The following ABCA12 variants were observed in gnomAD, a reference collection of about 807,000 sequenced individuals.
ABCA12 encodes the protein ATP binding cassette subfamily A member 12, also known as glucosylceramide transporter ABCA12.
ABCA12 carries 156 observed loss-of-function variants against 293.5 expected under a neutral mutation model. The ratio of observed to expected loss-of-function variants is 0.53; its 90% CI spans 0.47 to 0.61. The LOEUF (loss-of-function observed/expected upper bound fraction) is 0.61. ABCA12 is among the 20% of genes least tolerant of loss of function. The probability of loss-of-function intolerance (pLI) is 0.00; values close to 1 mark genes in which losing one functional copy is unlikely to be tolerated. For synonymous variants in ABCA12, 1,063 were observed against 1,108.0 expected, an observed-to-expected ratio of 0.96 and a Z score of 0.81; for missense variants, 2,797 against 3,090.2, an observed-to-expected ratio of 0.91 and a Z score of 2.25.
At chr2:215,008,742 T>C (rs1700307157) in intron 18 of ABCA12, among the ~76,000 whole-genome samples, 1 of 151,154 alleles carries the variant, frequency 6.6e-6, no homozygotes, top group Non-Finnish European at 1.5e-5. Context: ...AAAGGAAGAA[T>C]AGGATCAAGA....
chr2:215,109,765 T>C (rs1320453422), intron 2 of ABCA12, among the ~76,000 whole-genome samples: 2 of 152,174 alleles, frequency 1.3e-5, no homozygotes, highest in Non-Finnish European at 2.9e-5. Context: ...TAATATCAAT[T>C]AATTTAAGAC....
chr2:214,990,959 G>A lies in ABCA12; in HGVS notation c.3367C>T (p.Leu1123=). The part of the protein sequence containing the change: ...AWLIESVGFL[L]VTIVILIIIL... Reference sequence around the variant, plus strand: ...ATGATGAGGATCACGATGGTAACCAGTAAAAATCCAACACTCTCTATAAGC... The same window carrying A: ...ATGATGAGGATCACGATGGTAACCAATAAAAATCCAACACTCTCTATAAGC... The change falls in exon 24 of 53, where the codon CTG becomes TTG. Residue 1123 remains leucine (L), a synonymous_variant. Coordinates refer to ENST00000272895, the MANE Select transcript of ABCA12 (RefSeq NM_173076.3). 2 of 1,614,084 alleles carry A rather than the reference G, an allele frequency of 1.2e-6. No individual in the cohort carries two copies. Among genetic ancestry groups the A allele is most frequent in the South Asian group, 2.2e-5 (2 of 91,082 alleles).
intron 2 of ABCA12, among the ~76,000 whole-genome samples, chr2:215,073,257 A>T (rs1028958856): frequency 2.0e-5 from 3 of 152,148 alleles, no homozygotes; most frequent in Non-Finnish European, 2.9e-5. Context: ...TTGCATTTTT[A>T]AAAAATCTCC....
chr2:214,948,659 A>C lies in ABCA12; in HGVS notation c.7041T>G (p.Thr2347=). 1 of 1,614,108 alleles carries C rather than the reference A, an allele frequency of 6.2e-7. No homozygotes were observed. Among genetic ancestry groups the C allele is most frequent in the South Asian group, 1.1e-5 (1 of 91,086 alleles). ...CATAGAAATACAAATGTTCTTCCAC[A>C]GTTACCAGGTCATCTAAGGCATCTT... ...PQEDALDDLV[T]VEEHLYFYAR... is the part of the protein sequence containing the mutation. The change falls in exon 47 of 53, where the codon ACT becomes ACG. Residue 2347 remains threonine (T), a synonymous_variant. Coordinates refer to ENST00000272895, the MANE Select transcript of ABCA12 (RefSeq NM_173076.3).
intron 30 of ABCA12, among the ~76,000 whole-genome samples, 193 bp from the exon 31 acceptor site, chr2:214,980,836 C>T (rs1007918462): frequency 5.9e-5 from 9 of 152,106 alleles, no homozygotes; most frequent in African/African-American, 9.7e-5. Flanking sequence ...CACTGGTTCA[C>T]GCCTGTAATC....
At chr2:214,955,384 A>T (rs750738287) in intron 42 of ABCA12, 23 bp from the exon 43 acceptor site, 1 of 1,613,466 alleles carries the variant, frequency 6.2e-7, no homozygotes, top group South Asian at 1.1e-5. Flanking sequence ...AACACAAAGA[A>T]TTAAAATTAC....
intron 2 of ABCA12, among the ~76,000 whole-genome samples, chr2:215,084,680 G>C (rs962985724): frequency 2.0e-4 from 31 of 152,048 alleles, no homozygotes; most frequent in Admixed American, 2.6e-4. Flanking sequence ...TTGAACTTAG[G>C]AACCACGTAA....
chr2:215,103,594 G>A (rs1227728626), intron 2 of ABCA12, among the ~76,000 whole-genome samples: 1 of 151,778 alleles, frequency 6.6e-6, no homozygotes, highest in Non-Finnish European at 1.5e-5. Flanking sequence ...CAAAATTTCT[G>A]AGCCTCAGTT....
chr2:214,940,557 A>G (rs1698364323), intron 50 of ABCA12, among the ~76,000 whole-genome samples: 1 of 151,942 alleles, frequency 6.6e-6, no homozygotes, highest in African/African-American at 2.4e-5. Flanking sequence ...TCCTCTTTGT[A>G]CCTCTGGTAG....
intron 17 of ABCA12, 139 bp from the exon 18 acceptor site, chr2:215,010,609 G>A: frequency 2.0e-6 from 2 of 978,082 alleles, no homozygotes; most frequent in Non-Finnish European, 3.1e-6. Flanking sequence ...CAGATGTGAG[G>A]CATCTGGTGT....
intron 50 of ABCA12, among the ~76,000 whole-genome samples, chr2:214,942,555 T>G (rs567560988): frequency 3.3e-5 from 5 of 152,198 alleles, no homozygotes; most frequent in Non-Finnish European, 5.9e-5. Flanking sequence ...AGATACAATC[T>G]ATGCCTTCAT....
chr2:215,074,313 C>T (rs1205088332), intron 2 of ABCA12, among the ~76,000 whole-genome samples: 1 of 152,120 alleles, frequency 6.6e-6, no homozygotes, highest in African/African-American at 2.4e-5. Flanking sequence ...ACTAATAAGG[C>T]TTAAAGATGG....
intron 2 of ABCA12, among the ~76,000 whole-genome samples, chr2:215,102,188 C>T (rs770175060): frequency 3.9e-5 from 6 of 152,148 alleles, no homozygotes; most frequent in African/African-American, 1.2e-4. Context: ...CACACTCGTA[C>T]CTCATTATTT....
chr2:214,981,109 G>A (rs975614083), intron 30 of ABCA12, among the ~76,000 whole-genome samples: 4 of 150,644 alleles, frequency 2.7e-5, no homozygotes, highest in East Asian at 1.9e-4. Flanking sequence ...AAAAAAGAAA[G>A]GAAAAAAAGA....
At chr2:215,019,204 A>T (rs1700569748) in intron 13 of ABCA12, 132 bp downstream of exon 13, 4 of 736,844 alleles carry the variant, frequency 5.4e-6, no homozygotes, top group Non-Finnish European at 9.5e-6. Context: ...TGAATGCTTC[A>T]GGTTTCTCAT....
At position 215,001,648 on chromosome 2, in the gene ABCA12, C is replaced by T. The variant is rs141142206; in HGVS notation, c.2773G>A (p.Val925Ile). The stretch of plus-strand genomic sequence containing the variant: ...GCTGCCTGAATACGGTCATATAATA[C>T]ACAAGAGGAAATATTTACTGTCAGG... ...SSLTVNISSCVLYDRIQAAKT... is the reference protein window; with the variant it reads ...SSLTVNISSCILYDRIQAAKT... Residue 925 changes from valine to isoleucine, a missense_variant, in exon 21 of 53, where the codon GTA becomes ATA. This residue lies in a region of ABCA12 where 2,130 missense variants were observed against 2,427.0 expected (regional missense o/e 0.88). Coordinates refer to ENST00000272895, the MANE Select transcript of ABCA12 (RefSeq NM_173076.3). The T allele has an allele frequency of 3.2e-5, 51 of 1,613,576 alleles. No individual in the cohort carries two copies. In the African/African-American group the frequency reaches 5.3e-4, roughly 17 times the overall value.
chr2:215,119,828 G>C (rs1214386624), intron 1 of ABCA12, among the ~76,000 whole-genome samples: 1 of 151,674 alleles, frequency 6.6e-6, no homozygotes, highest in East Asian at 1.9e-4. Flanking sequence ...GTTGATGGGA[G>C]TATAAGTTAG....
At position 215,012,203 on chromosome 2, in the gene ABCA12, G is replaced by C. The variant is rs866780037; in HGVS notation, c.1957-68C>G. 54 of 1,494,226 alleles carry C rather than the reference G, an allele frequency of 3.6e-5. No homozygotes were observed. In the Middle Eastern group the frequency reaches 6.5e-3, roughly 181 times the overall value. The allele number at this position is 1,494,226 out of a possible 1,614,324, so 92.6% of individuals were successfully genotyped here. ...TTGAATCCTCATGCATTGTTGGTAA[G>C]GTTGTAGAAAGGTACAGCCACTTTG... On this transcript the variant is annotated intron_variant, in intron 15 of 52. Transcript: ENST00000272895.
intron 8 of ABCA12, among the ~76,000 whole-genome samples, chr2:215,034,467 G>T (rs994803306): frequency 3.9e-5 from 6 of 152,240 alleles, no homozygotes; most frequent in Non-Finnish European, 8.8e-5. Context: ...GCTTCCCACA[G>T]AATAAGTGTG....
Sources: allele counts gnomAD v4.1 joint callset (sites outside exome capture counted in the v4.1 genomes callset), GRCh38; gene constraint gnomAD v4.1.1; regional missense constraint gnomAD v4.1.1; transcripts MANE v1.5; gene names NCBI Gene and HGNC (gene_info 2026-07-23, HGNC 2026-07-21).